PTPRM: variants seen among roughly 807,000 people sequenced by gnomAD.
PTPRM encodes protein tyrosine phosphatase receptor type M.
In PTPRM, 47 loss-of-function variants were observed where a neutral mutation model predicts 186.7. That is an observed-to-expected ratio of 0.25 (90% CI 0.20 to 0.32). PTPRM has a LOEUF of 0.32. Ranked by LOEUF, PTPRM falls within the 10% of genes least tolerant of loss-of-function variation. The pLI, the probability that PTPRM is intolerant of heterozygous loss-of-function variation, is 1.00. For synonymous variants in PTPRM, 668 were observed against 674.9 expected, an observed-to-expected ratio of 0.99 and a Z score of 0.16; for missense variants, 1,494 against 1,865.0, an observed-to-expected ratio of 0.80 and a Z score of 3.66.
intron 1 of PTPRM, among the ~76,000 whole-genome samples, chr18:7,757,878 AG>A (rs148705182): frequency 0.01 from 1,581 of 152,174 alleles, 25 homozygotes; most frequent in African/African-American, 0.036. Context: ...GTGGGGATGC[AG>A]GGGATGCTGG....
chr18:7,590,419 T>C (rs1015782991), intron 1 of PTPRM, among the ~76,000 whole-genome samples: 3 of 151,958 alleles, frequency 2.0e-5, no homozygotes, highest in African/African-American at 7.3e-5. Flanking sequence ...ACCTGGAGGG[T>C]GGAAAGATGG....
chr18:7,807,677 C>T (rs1187108568), intron 2 of PTPRM, among the ~76,000 whole-genome samples: 1 of 152,190 alleles, frequency 6.6e-6, no homozygotes, highest in Non-Finnish European at 1.5e-5. Flanking sequence ...AAAACAAGTG[C>T]ACCACTCTGT....
At chr18:7,900,728 C>G (rs1208434793) in intron 3 of PTPRM, among the ~76,000 whole-genome samples, 1 of 152,220 alleles carries the variant, frequency 6.6e-6, no homozygotes, top group African/African-American at 2.4e-5. Context: ...CTTAACCTTT[C>G]TAAGTCATCT....
In PTPRM at chr18:7,834,497, C is replaced by CACACACACACAT. The variant is rs1457217531; in HGVS notation, c.197-53598_197-53597insTACACACACACA. ...ACAGGCCAATATACAAGTATACACA[C>CACACACACACAT]ACACACACACACACACACACACACA... On this transcript the variant is annotated intron_variant, in intron 2 of 32. Transcript: ENST00000580170. 3.5e-3 allele frequency among the ~76,000 whole-genome samples: 492 copies of CACACACACACAT among 140,768 alleles called. 12 individuals are homozygous for CACACACACACAT. Among genetic ancestry groups the CACACACACACAT allele is most frequent in the Admixed American group, 0.027 (390 of 14,334 alleles). The allele number at this position is 140,768 out of a possible 152,430, so 92.3% of individuals were successfully genotyped here.
rs77479550 is a variant in PTPRM at position 7,936,081 on chromosome 18, T to C, written c.663+9398T>C. On this transcript the variant is annotated intron_variant, in intron 5 of 32. Coordinates refer to ENST00000580170, the MANE Select transcript of PTPRM (RefSeq NM_001105244.2). ...GAAAGGAAGACAGAGATGGCCATGG[T>C]TGGGGCTGCCTGCTTCATGGGGCTG... is the stretch of plus-strand genomic sequence containing the variant. Among the ~76,000 whole-genome samples the C allele has an allele frequency of 0.02, 3,017 of 152,310 alleles. 196 individuals are homozygous for C. The East Asian group carries it at 0.26, about 13-fold the overall frequency.
intron 2 of PTPRM, among the ~76,000 whole-genome samples, chr18:7,832,262 T>G (rs1345823685): frequency 6.6e-6 from 1 of 152,238 alleles, no homozygotes; most frequent in Non-Finnish European, 1.5e-5. Flanking sequence ...GAAGGTTCCC[T>G]TTTCTCCATA....
chr18:7,683,240 A>G (rs919618919), intron 1 of PTPRM, among the ~76,000 whole-genome samples: 5 of 139,340 alleles, frequency 3.6e-5, no homozygotes, highest in Admixed American at 2.3e-4. Context: ...ATCATGCCTT[A>G]CTGCAGCCTC....
chr18:7,659,105 T>G (rs544196096), intron 1 of PTPRM, among the ~76,000 whole-genome samples: 9 of 144,894 alleles, frequency 6.2e-5, no homozygotes, highest in African/African-American at 2.4e-4. Flanking sequence ...GGTATACACA[T>G]GCACATGTAT....
At chr18:7,753,377 G>A (rs963504541) in intron 1 of PTPRM, among the ~76,000 whole-genome samples, 1 of 152,108 alleles carries the variant, frequency 6.6e-6, no homozygotes, top group African/African-American at 2.4e-5. Context: ...AGAGGAAGCA[G>A]CGTGTTTTAA....
chr18:8,043,033 G>A (rs1197886663), intron 7 of PTPRM, among the ~76,000 whole-genome samples: 6 of 152,114 alleles, frequency 3.9e-5, no homozygotes, highest in African/African-American at 1.2e-4. Context: ...CCCACAGCTG[G>A]GCACACTGGG....
chr18:7,707,702 T>G (rs2040125767), intron 1 of PTPRM, among the ~76,000 whole-genome samples: 1 of 152,176 alleles, frequency 6.6e-6, no homozygotes, highest in Non-Finnish European at 1.5e-5. Flanking sequence ...ATGTTCATAT[T>G]CTTTGTGTTA....
chr18:8,156,419 T>C (rs2146291994), intron 14 of PTPRM, among the ~76,000 whole-genome samples: 1 of 152,328 alleles, frequency 6.6e-6, no homozygotes, highest in South Asian at 2.1e-4. Context: ...ATGAGTTACT[T>C]AACACCTCTG....
chr18:7,772,359 CTTTCTT>C (rs971901215), intron 1 of PTPRM, among the ~76,000 whole-genome samples: 1 of 43,170 alleles, frequency 2.3e-5, no homozygotes. Context: ...CTCTTTCTTT[CTTTCTT>C]TCTTTCTTTC....
chr18:7,941,103 G>T (rs2146957395), intron 5 of PTPRM, among the ~76,000 whole-genome samples: 1 of 152,248 alleles, frequency 6.6e-6, no homozygotes, highest in East Asian at 1.9e-4. Flanking sequence ...TCCTTTTCAT[G>T]CTGGAAGATG....
chr18:8,097,554 A>T (rs2091072214), intron 11 of PTPRM, among the ~76,000 whole-genome samples: 1 of 152,316 alleles, frequency 6.6e-6, no homozygotes, highest in Non-Finnish European at 1.5e-5. Context: ...CATTCACCAG[A>T]TATCTACTGA....
At chr18:7,918,146 A>G (rs1457282729) in intron 4 of PTPRM, among the ~76,000 whole-genome samples, 1 of 151,786 alleles carries the variant, frequency 6.6e-6, no homozygotes, top group East Asian at 1.9e-4. Context: ...TTATTGATGG[A>G]CACTTAGGAT....
chr18:8,021,317 G>GACAC (rs35335855), intron 7 of PTPRM, among the ~76,000 whole-genome samples: 2,071 of 142,968 alleles, frequency 0.014, 24 homozygotes, highest in East Asian at 0.065. Context: ...GCATAAAAGA[G>GACAC]ACACACACAC....
At chr18:8,201,347 A>T (rs751121741) in intron 14 of PTPRM, among the ~76,000 whole-genome samples, 1 of 152,206 alleles carries the variant, frequency 6.6e-6, no homozygotes, top group Non-Finnish European at 1.5e-5. Flanking sequence ...TTAAAAACTA[A>T]AATATAATCT....
intron 27 of PTPRM, 35 bp downstream of exon 27, chr18:8,378,449 G>A: frequency 6.2e-7 from 1 of 1,606,142 alleles, no homozygotes. Context: ...ACTGCACGGT[G>A]ACTTGCTCCT....
Sources: gnomAD v4.1 joint callset for allele counts (sites outside exome capture counted in the v4.1 genomes callset) on GRCh38, gnomAD v4.1.1 for gene constraint, MANE v1.5 for transcripts, NCBI Gene and HGNC (gene_info 2026-07-23, HGNC 2026-07-21) for gene names.